Variants in PAIP2B observed in about 807,000 individuals in gnomAD.
PAIP2B encodes the protein polyadenylate-binding protein-interacting protein 2B.
In PAIP2B, 13 loss-of-function variants were observed where a neutral mutation model predicts 17.0. The ratio of observed to expected loss-of-function variants is 0.76; its 90% CI spans 0.50 to 1.22. The LOEUF is 1.22. Among genes scored for constraint, PAIP2B ranks in the 50% most tolerant of loss-of-function variants. The pLI is 0.00. For missense variants in PAIP2B, 117 were observed against 144.5 expected, an observed-to-expected ratio of 0.81 and a Z score of 0.98; for synonymous variants, 43 against 48.7, an observed-to-expected ratio of 0.88 and a Z score of 0.48.
rs1674482416 is a variant in PAIP2B at position 71,184,496 on chromosome 2, CT to C, written c.*3982del. On this transcript the variant is annotated 3_prime_UTR_variant, in exon 4 of 4. Coordinates refer to ENST00000244221, the MANE Select transcript of PAIP2B (RefSeq NM_020459.1). ...TTCCCTGGGTTGGCTTCCTGCTCCC[CT>C]GTCCCTGTCACCAATAGCAGCTTCA... The C allele has an allele frequency of 6.6e-6, 1 of 152,152 alleles. No homozygotes were observed. The highest frequency in any genetic ancestry group is 1.5e-5 in the Non-Finnish European group (1 of 68,032). The allele number at this position is 152,152 out of a possible 1,614,324, so 9.4% of individuals were successfully genotyped here. A position where few individuals can be genotyped will look rare whatever the true frequency, so the allele number is the denominator to read the frequency against.
chr2:71,204,594 A>T (rs1192879340), intron 1 of PAIP2B, among the ~76,000 whole-genome samples: 1 of 152,218 alleles, frequency 6.6e-6, no homozygotes, highest in East Asian at 1.9e-4. Context: ...GTAGGTTTAA[A>T]TAAGGCTACT....
At chr2:71,194,578 T>A (rs181139029) in intron 2 of PAIP2B, among the ~76,000 whole-genome samples, 80 of 152,228 alleles carry the variant, frequency 5.3e-4, no homozygotes, top group Admixed American at 9.8e-4. Context: ...TTTTTGTACA[T>A]TGATTTTGTA....
At chr2:71,223,232 G>C (rs1365992705) in intron 1 of PAIP2B, among the ~76,000 whole-genome samples, 2 of 152,072 alleles carry the variant, frequency 1.3e-5, no homozygotes, top group Non-Finnish European at 2.9e-5. Flanking sequence ...GGCCAACATG[G>C]TGAAACCCTG....
intron 3 of PAIP2B, among the ~76,000 whole-genome samples, chr2:71,189,595 G>C (rs1674631110): frequency 6.6e-6 from 1 of 152,188 alleles, no homozygotes; most frequent in South Asian, 2.1e-4. Context: ...GAAAGTAAAG[G>C]TTGGTGGCGT....
chr2:71,216,964 A>C (rs1675444281), intron 1 of PAIP2B, among the ~76,000 whole-genome samples: 1 of 152,220 alleles, frequency 6.6e-6, no homozygotes, highest in Non-Finnish European at 1.5e-5. Flanking sequence ...GTCAGTTCTC[A>C]TCCAGACTGC....
At chr2:71,202,781 G>A (rs746630616) in intron 1 of PAIP2B, among the ~76,000 whole-genome samples, 181 bp from the exon 2 acceptor site, 6 of 152,102 alleles carry the variant, frequency 3.9e-5, no homozygotes, top group Non-Finnish European at 8.8e-5. Flanking sequence ...TTATCAACTA[G>A]ACAGATGTAC....
intron 1 of PAIP2B, among the ~76,000 whole-genome samples, chr2:71,205,524 G>T (rs941338188): frequency 8.5e-5 from 13 of 152,180 alleles, no homozygotes; most frequent in Admixed American, 7.2e-4. Flanking sequence ...TTTTGTTGGA[G>T]ACTGGTAACT....
chr2:71,211,713 T>C (rs1675305241), intron 1 of PAIP2B, among the ~76,000 whole-genome samples: 1 of 152,132 alleles, frequency 6.6e-6, no homozygotes, highest in Non-Finnish European at 1.5e-5. Flanking sequence ...TTATTACATA[T>C]ATTACATTTT....
At chr2:71,190,528 A>G (rs1674662786) in intron 2 of PAIP2B, among the ~76,000 whole-genome samples, 2 of 152,332 alleles carry the variant, frequency 1.3e-5, no homozygotes, top group East Asian at 3.9e-4. Context: ...AGATAGCATA[A>G]TTTTTATTTT....
intron 1 of PAIP2B, among the ~76,000 whole-genome samples, chr2:71,217,505 C>G (rs972703270): frequency 6.6e-6 from 1 of 152,152 alleles, no homozygotes; most frequent in Non-Finnish European, 1.5e-5. Context: ...TTCATACTTC[C>G]AAGTTAATAG....
chr2:71,196,619 T>C (rs935818544), intron 2 of PAIP2B, among the ~76,000 whole-genome samples: 2 of 152,118 alleles, frequency 1.3e-5, no homozygotes, highest in Non-Finnish European at 2.9e-5. Flanking sequence ...AAGTCTCACA[T>C]TATTAATATT....
intron 2 of PAIP2B, among the ~76,000 whole-genome samples, chr2:71,196,512 G>A (rs145084093): frequency 6.6e-6 from 1 of 152,210 alleles, no homozygotes; most frequent in East Asian, 1.9e-4. Flanking sequence ...CTTCTGTAAA[G>A]GTCTAGCAGA....
At position 71,183,079 on chromosome 2, in the gene PAIP2B, G is replaced by A. The variant is rs1401552889; in HGVS notation, c.*5400C>T. 1.7e-4 allele frequency: 12 copies of A among 71,606 alleles called. 1 individual carries two copies. The highest frequency in any genetic ancestry group is 6.8e-4 in the African/African-American group (12 of 17,520). The allele number at this position is 71,606 out of a possible 1,614,324, so 4.4% of individuals were successfully genotyped here. ...AGCAGCCCTGCACAGACCCTGGGGG[G>A]CTTCCTGTTCCACAAGCTCCACTCC... On this transcript the variant is annotated 3_prime_UTR_variant, in exon 4 of 4. Coordinates refer to ENST00000244221, the MANE Select transcript of PAIP2B (RefSeq NM_020459.1).
intron 2 of PAIP2B, among the ~76,000 whole-genome samples, chr2:71,198,948 A>G (rs1478232907): frequency 6.6e-6 from 1 of 152,072 alleles, no homozygotes; most frequent in Non-Finnish European, 1.5e-5. Flanking sequence ...CTGAATCTTG[A>G]TGATCTTTGT....
chr2:71,189,590 T>C (rs1674630379), intron 3 of PAIP2B, among the ~76,000 whole-genome samples: 2 of 152,338 alleles, frequency 1.3e-5, no homozygotes, highest in Admixed American at 1.3e-4. Flanking sequence ...CATTAGAAAG[T>C]AAAGGTTGGT....
At chr2:71,206,620 A>G (rs1675135424) in intron 1 of PAIP2B, among the ~76,000 whole-genome samples, 1 of 152,216 alleles carries the variant, frequency 6.6e-6, no homozygotes, top group Non-Finnish European at 1.5e-5. Context: ...TATTTCAAGG[A>G]TACATGCTTC....
chr2:71,196,841 C>T (rs1330019910), intron 2 of PAIP2B, among the ~76,000 whole-genome samples: 1 of 152,090 alleles, frequency 6.6e-6, no homozygotes, highest in Non-Finnish European at 1.5e-5. Context: ...GCAACCCCTG[C>T]TTTTTTCTGT....
In PAIP2B at chr2:71,186,790, T is replaced by C. The variant is rs1305678991; in HGVS notation, c.*1689A>G. 6.6e-6 allele frequency: 1 copy of C among 152,212 alleles called. No individual in the cohort carries two copies. The highest frequency in any genetic ancestry group is 1.5e-5 in the Non-Finnish European group (1 of 68,044). The allele number at this position is 152,212 out of a possible 1,614,324, so 9.4% of individuals were successfully genotyped here. A position where few individuals can be genotyped will look rare whatever the true frequency, so the allele number is the denominator to read the frequency against. On this transcript the variant is annotated 3_prime_UTR_variant, in exon 4 of 4. Coordinates refer to ENST00000244221, the MANE Select transcript of PAIP2B (RefSeq NM_020459.1). Reference sequence around the variant, plus strand: ...TGGTAATGCAAGTTCTCTAAGCTACTCTCCTATGACATGTGACCTAACAAG... The same window carrying C: ...TGGTAATGCAAGTTCTCTAAGCTACCCTCCTATGACATGTGACCTAACAAG...
At chr2:71,215,285 G>A (rs1675398926) in intron 1 of PAIP2B, among the ~76,000 whole-genome samples, 2 of 151,634 alleles carry the variant, frequency 1.3e-5, no homozygotes, top group South Asian at 2.1e-4. Context: ...GTGACAGAGC[G>A]AGACTTCGTC....
Sources: allele counts gnomAD v4.1 joint callset (sites outside exome capture counted in the v4.1 genomes callset), GRCh38; gene constraint gnomAD v4.1.1; transcripts MANE v1.5; gene names NCBI Gene and HGNC (gene_info 2026-07-23, HGNC 2026-07-21).